The following CDH12 variants were observed in gnomAD, a reference collection of about 807,000 sequenced individuals.
CDH12 encodes cadherin 12, also known as cadherin-12.
Under a neutral mutation model 74.1 loss-of-function variants are expected in CDH12, and 41 were observed. The observed-to-expected ratio is 0.55, with a 90% CI of 0.43 to 0.72. The LOEUF is 0.72. Among genes scored for constraint, CDH12 ranks in the 30% least tolerant of loss-of-function variants. The pLI is 0.00. For synonymous variants in CDH12, 399 were observed against 355.0 expected (o/e 1.12, Z -1.39); for missense variants, 945 against 977.2 (o/e 0.97, Z 0.44).
chr5:22,683,199 G>A (rs1056713650), intron 1 of CDH12, among the ~76,000 whole-genome samples: 24 of 152,174 alleles, frequency 1.6e-4, no homozygotes, highest in Admixed American at 5.9e-4. Flanking sequence ...CTCCAGCAGG[G>A]AGTCACAGCC....
intron 4 of CDH12, among the ~76,000 whole-genome samples, chr5:22,094,094 T>G (rs1468086301): frequency 6.6e-6 from 1 of 152,188 alleles, no homozygotes; most frequent in African/African-American, 2.4e-5. Flanking sequence ...TCGCCCACAT[T>G]TGCTTTATCT....
intron 8 of CDH12, among the ~76,000 whole-genome samples, chr5:21,831,163 C>G (rs1749001000): frequency 6.6e-6 from 1 of 152,030 alleles, no homozygotes; most frequent in Non-Finnish European, 1.5e-5. Context: ...GGATTGAAAG[C>G]CCCATAGTCA....
intron 3 of CDH12, among the ~76,000 whole-genome samples, chr5:22,330,708 G>A (rs1739313616): frequency 7.0e-6 from 1 of 143,236 alleles, no homozygotes; most frequent in South Asian, 2.2e-4. Context: ...CCGAGATCAG[G>A]CCACTGCACT....
chr5:22,117,850 C>T (rs975097467), intron 4 of CDH12, among the ~76,000 whole-genome samples: 2 of 151,570 alleles, frequency 1.3e-5, no homozygotes, highest in Non-Finnish European at 2.9e-5. Context: ...AGAAAACCTT[C>T]CCTTGTTGTT....
intron 1 of CDH12, among the ~76,000 whole-genome samples, chr5:22,644,530 T>C (rs1379940304): frequency 6.6e-6 from 1 of 151,902 alleles, no homozygotes; most frequent in African/African-American, 2.4e-5. Flanking sequence ...TAAAAATTTT[T>C]AAAAAATGAA....
chr5:22,269,643 C>T (rs935500604), intron 3 of CDH12, among the ~76,000 whole-genome samples: 2 of 152,158 alleles, frequency 1.3e-5, no homozygotes, highest in South Asian at 2.1e-4. Flanking sequence ...TGGAGCAAGG[C>T]AGCCAGTTAG....
At chr5:22,655,815 G>A (rs1156755157) in intron 1 of CDH12, among the ~76,000 whole-genome samples, 2 of 152,128 alleles carry the variant, frequency 1.3e-5, no homozygotes, top group Non-Finnish European at 2.9e-5. Flanking sequence ...CTCCCCATAT[G>A]GGAATCAGAA....
intron 1 of CDH12, among the ~76,000 whole-genome samples, chr5:22,713,572 A>T (rs1743405859): frequency 7.0e-6 from 1 of 143,634 alleles, no homozygotes. Context: ...AATGTGTGAC[A>T]CAATACACAC....
chr5:21,798,561 A>C lies in CDH12; in HGVS notation c.1256+3606T>G, dbSNP rs926148911. The stretch of plus-strand genomic sequence containing the variant: ...TGTTTCCCCAAAATTCATATGTTGA[A>C]ATCCTAATGTCCAATGTATGATATA... On this transcript the variant is annotated intron_variant, in intron 10 of 14. Transcript: ENST00000382254. 8.5e-5 allele frequency among the ~76,000 whole-genome samples: 13 copies of C among 152,200 alleles called. No individual in the cohort carries two copies. The East Asian group carries it at 2.3e-3, about 27-fold the overall frequency.
chr5:22,162,919 CAG>C (rs1413903665), intron 4 of CDH12, among the ~76,000 whole-genome samples: 38 of 113,226 alleles, frequency 3.4e-4, no homozygotes, highest in African/African-American at 1.1e-3. Flanking sequence ...TTTTTTGAGA[CAG>C]AGTCTCGCTC....
chr5:22,790,008 A>G (rs906901130), intron 1 of CDH12, among the ~76,000 whole-genome samples: 4 of 152,214 alleles, frequency 2.6e-5, no homozygotes, highest in African/African-American at 4.8e-5. Flanking sequence ...TATTTTTAGA[A>G]GAATAGGAGT....
intron 1 of CDH12, among the ~76,000 whole-genome samples, chr5:22,569,700 A>G (rs951117747): frequency 6.6e-6 from 1 of 152,146 alleles, no homozygotes; most frequent in Non-Finnish European, 1.5e-5. Context: ...CTCCTCATCC[A>G]TTAAAGTTTT....
rs536718499 is a variant in CDH12 at position 22,211,054 on chromosome 5, C to G, written c.-187+1444G>C. Among the ~76,000 whole-genome samples, 64 of 152,288 alleles carry G rather than the reference C, an allele frequency of 4.2e-4. 3 individuals carry two copies. The highest frequency in any genetic ancestry group is 2.2e-3 in the Admixed American group (33 of 15,298). On this transcript the variant is annotated intron_variant, in intron 4 of 14. Transcript: ENST00000382254. ...TTGGGAACCTTGAAAATAGTTTACTCCTCTGGAAGAAGCACTAACATCGAC... is the reference window on the plus strand; with the variant it reads ...TTGGGAACCTTGAAAATAGTTTACTGCTCTGGAAGAAGCACTAACATCGAC...
intron 1 of CDH12, among the ~76,000 whole-genome samples, chr5:22,589,114 A>G (rs985230533): frequency 5.9e-5 from 9 of 152,004 alleles, no homozygotes; most frequent in African/African-American, 2.2e-4. Flanking sequence ...TGGCTGCATC[A>G]TTGATTGCCT....
chr5:22,750,059 T>C (rs1013047149), intron 1 of CDH12, among the ~76,000 whole-genome samples: 1 of 152,200 alleles, frequency 6.6e-6, no homozygotes, highest in African/African-American at 2.4e-5. Flanking sequence ...TGCACTCAAT[T>C]TTCCTGTGCA....
intron 1 of CDH12, among the ~76,000 whole-genome samples, chr5:22,515,070 G>A (rs1485107444): frequency 1.3e-5 from 2 of 151,978 alleles, no homozygotes; most frequent in African/African-American, 4.8e-5. Context: ...GGAGATAAAG[G>A]TATAATTTTA....
intron 4 of CDH12, among the ~76,000 whole-genome samples, chr5:22,127,772 T>C (rs1745968170): frequency 6.6e-6 from 1 of 152,178 alleles, no homozygotes; most frequent in Admixed American, 6.5e-5. Context: ...GTTTGTAGGG[T>C]ATGCTATCAT....
At chr5:21,845,129 A>G (rs1374688157) in intron 7 of CDH12, among the ~76,000 whole-genome samples, 2 of 152,160 alleles carry the variant, frequency 1.3e-5, no homozygotes, top group Admixed American at 6.6e-5. Flanking sequence ...TATCTAAGGT[A>G]TAGGTGACAG....
chr5:21,915,822 C>CTGTGTG (rs36126825), intron 6 of CDH12, among the ~76,000 whole-genome samples: 21,743 of 139,906 alleles, frequency 0.16, 1,820 homozygotes, highest in African/African-American at 0.19. Context: ...ATCATTTGTG[C>CTGTGTG]TGTGTGTGTG....
Sources: allele counts gnomAD v4.1 joint callset (sites outside exome capture counted in the v4.1 genomes callset), GRCh38; gene constraint gnomAD v4.1.1; transcripts MANE v1.5; gene names NCBI Gene and HGNC (gene_info 2026-07-23, HGNC 2026-07-21).